ADGRB3: variants seen among roughly 807,000 people sequenced by gnomAD.
ADGRB3 encodes the protein brain-specific angiogenesis inhibitor 3.
A neutral mutation model predicts 193.4 loss-of-function variants in ADGRB3; 37 were observed. That is an observed-to-expected ratio of 0.19 (90% CI 0.15 to 0.25). The LOEUF (loss-of-function observed/expected upper bound fraction) is 0.25, where lower values mean the gene tolerates loss of function less well. Ranked by LOEUF, ADGRB3 falls within the 10% of genes least tolerant of loss-of-function variation. The probability of loss-of-function intolerance (pLI) is 1.00; values close to 1 mark genes in which losing one functional copy is unlikely to be tolerated. For missense variants in ADGRB3, 1,637 were observed against 1,852.9 expected (o/e 0.88, Z 2.14); for synonymous variants, 690 against 644.2 (o/e 1.07, Z -1.08).
At chr6:68,983,973 T>C (rs910587496) in intron 10 of ADGRB3, among the ~76,000 whole-genome samples, 1 of 152,160 alleles carries the variant, frequency 6.6e-6, no homozygotes, top group Admixed American at 6.5e-5. Context: ...TGACAGCACA[T>C]TCCATGTAGC....
intron 20 of ADGRB3, among the ~76,000 whole-genome samples, chr6:69,277,282 G>A (rs1390415221): frequency 2.6e-5 from 4 of 151,978 alleles, no homozygotes; most frequent in African/African-American, 9.7e-5. Context: ...TGTGAGCCAT[G>A]GCGCCTGGCC....
intron 28 of ADGRB3, among the ~76,000 whole-genome samples, chr6:69,359,473 T>C (rs1769401041): frequency 6.8e-6 from 1 of 147,256 alleles, no homozygotes; most frequent in Non-Finnish European, 1.5e-5. Context: ...TTTAACATGA[T>C]TTTTACTGCC....
chr6:68,906,788 C>G (rs931119527), intron 3 of ADGRB3, among the ~76,000 whole-genome samples: 57 of 152,018 alleles, frequency 3.7e-4, no homozygotes, highest in African/African-American at 1.3e-3. Flanking sequence ...TGCAACTTTG[C>G]TGCAAATATT....
At chr6:69,174,514 G>A (rs1369658487) in intron 17 of ADGRB3, among the ~76,000 whole-genome samples, 1 of 152,190 alleles carries the variant, frequency 6.6e-6, no homozygotes, top group Non-Finnish European at 1.5e-5. Flanking sequence ...TGGGACCTGG[G>A]TTGATTCCAT....
In ADGRB3 at chr6:69,376,595, GAAGT is replaced by G. The variant is rs749000991; in HGVS notation, c.4275+4158_4275+4161del. ...TTACAAGGAGATTTGGGGGATAATA[GAAGT>G]AAGAGATCATTTTATATTAACTCAA... On this transcript the variant is annotated intron_variant, in intron 30 of 31. Coordinates refer to ENST00000370598, the MANE Select transcript of ADGRB3 (RefSeq NM_001704.3). Among the ~76,000 whole-genome samples the G allele has an allele frequency of 1.5e-3, 222 of 152,056 alleles. 1 individual carries two copies. The highest frequency in any genetic ancestry group is 2.5e-3 in the Non-Finnish European group (169 of 67,954).
intron 3 of ADGRB3, among the ~76,000 whole-genome samples, chr6:68,699,505 ATAT>A (rs1400038998): frequency 2.0e-5 from 3 of 152,052 alleles, no homozygotes; most frequent in Admixed American, 1.3e-4. Context: ...GAAACTAAAA[ATAT>A]TATCTGTAAT....
intron 3 of ADGRB3, among the ~76,000 whole-genome samples, chr6:68,879,193 T>C (rs796184117): frequency 2.9e-4 from 44 of 151,660 alleles, no homozygotes; most frequent in African/African-American, 1.0e-3. Flanking sequence ...CATTTCTCTT[T>C]TCTGCTTTAC....
chr6:69,099,859 A>C (rs1384248), intron 17 of ADGRB3, among the ~76,000 whole-genome samples: 1 of 152,050 alleles, frequency 6.6e-6, no homozygotes. Flanking sequence ...GCCAGGCTTA[A>C]TGCCATTACT....
rs1290692011 is a variant in ADGRB3, at chr6:69,042,601, A to G, written c.2108-5584A>G. On this transcript the variant is annotated intron_variant, in intron 13 of 31. Transcript: ENST00000370598. ...CCTGTGTGCTTGGTATGGATACACT[A>G]ACAAAACAAATAGATGCTTTTCTAA... Among the ~76,000 whole-genome samples the G allele has an allele frequency of 2.2e-4, 33 of 152,214 alleles. 1 individual carries two copies. Among genetic ancestry groups the G allele is most frequent in the Admixed American group, 2.2e-3 (33 of 15,284 alleles).
At chr6:69,257,596 T>A (rs1409041240) in intron 20 of ADGRB3, among the ~76,000 whole-genome samples, 2 of 152,188 alleles carry the variant, frequency 1.3e-5, no homozygotes, top group Non-Finnish European at 2.9e-5. Context: ...CTATTTCCAC[T>A]GCTAGAAAGT....
At chr6:69,031,541 C>CTTTT (rs1378492628) in intron 13 of ADGRB3, among the ~76,000 whole-genome samples, 1 of 60,842 alleles carries the variant, frequency 1.6e-5, no homozygotes, top group Non-Finnish European at 3.7e-5. Flanking sequence ...TTCTTTCTTT[C>CTTTT]TTTCTTTCTT....
intron 20 of ADGRB3, among the ~76,000 whole-genome samples, chr6:69,242,852 T>C (rs1425208521): frequency 6.6e-6 from 1 of 152,016 alleles, no homozygotes; most frequent in Non-Finnish European, 1.5e-5. Context: ...ATTGCTCAAA[T>C]GTTATTTATT....
In ADGRB3 at chr6:68,907,829, T is replaced by A. The variant is rs1161352978; in HGVS notation, c.758-22730T>A. On this transcript the variant is annotated intron_variant, in intron 3 of 31. Coordinates refer to ENST00000370598, the MANE Select transcript of ADGRB3 (RefSeq NM_001704.3). ...TGCTCTCTGTGTTGTCTTAATTTTC[T>A]AAAACACACTAGGTAGCTTTTCATC... 2.6e-5 allele frequency among the ~76,000 whole-genome samples: 4 copies of A among 151,952 alleles called. No homozygotes were observed. The East Asian group carries it at 7.7e-4, about 29-fold the overall frequency.
intron 17 of ADGRB3, among the ~76,000 whole-genome samples, chr6:69,166,291 T>G (rs1312366245): frequency 6.6e-6 from 1 of 152,074 alleles, no homozygotes; most frequent in African/African-American, 2.4e-5. Flanking sequence ...TGCAATGTGA[T>G]AGAGGTGTGT....
intron 17 of ADGRB3, among the ~76,000 whole-genome samples, chr6:69,124,771 A>C (rs9354820): frequency 6.6e-6 from 1 of 152,010 alleles, no homozygotes; most frequent in African/African-American, 2.4e-5. Context: ...ATCAAATATC[A>C]TGAGGAAAAC....
chr6:69,098,525 A>C (rs1462264551), intron 17 of ADGRB3, among the ~76,000 whole-genome samples: 1 of 152,080 alleles, frequency 6.6e-6, no homozygotes, highest in African/African-American at 2.4e-5. Flanking sequence ...TGAATGGGAG[A>C]CCTCATGAAA....
At chr6:69,283,001 G>T (rs923278991) in intron 20 of ADGRB3, among the ~76,000 whole-genome samples, 1 of 152,066 alleles carries the variant, frequency 6.6e-6, no homozygotes, top group Admixed American at 6.6e-5. Flanking sequence ...AAAGAGATGG[G>T]CCATGAGGAA....
intron 20 of ADGRB3, among the ~76,000 whole-genome samples, chr6:69,307,796 T>C (rs1768097882): frequency 6.6e-6 from 1 of 151,470 alleles, no homozygotes; most frequent in African/African-American, 2.4e-5. Context: ...TGGGCATCTC[T>C]GTGGAAGAAT....
At chr6:69,140,973 A>G (rs1326563644) in intron 17 of ADGRB3, among the ~76,000 whole-genome samples, 1 of 152,058 alleles carries the variant, frequency 6.6e-6, no homozygotes, top group Non-Finnish European at 1.5e-5. Context: ...TCTCTCCCCT[A>G]ATGGAGCTTT....
Sources: allele counts gnomAD v4.1 joint callset (sites outside exome capture counted in the v4.1 genomes callset), GRCh38; gene constraint gnomAD v4.1.1; transcripts MANE v1.5; gene names NCBI Gene and HGNC (gene_info 2026-07-23, HGNC 2026-07-21).